The following SLIT3 variants were observed in gnomAD, a reference collection of about 807,000 sequenced individuals.
SLIT3 encodes the protein slit homolog 3 protein.
SLIT3 carries 68 observed loss-of-function variants against 184.0 expected under a neutral mutation model. That is an observed-to-expected ratio of 0.37 (90% CI 0.30 to 0.45). SLIT3 has a LOEUF of 0.45. SLIT3 is among the 20% of genes least tolerant of loss of function. The pLI is 1.00. For missense variants in SLIT3, 1,707 were observed against 2,026.0 expected (o/e 0.84, Z 3.02); for synonymous variants, 831 against 828.6 (o/e 1.00, Z -0.05).
chr5:169,089,319 G>T (rs758538762), intron 4 of SLIT3, among the ~76,000 whole-genome samples: 6 of 152,150 alleles, frequency 3.9e-5, no homozygotes, highest in Non-Finnish European at 8.8e-5. Context: ...CTTCCTGAGA[G>T]TGTCTAAAGC....
At chr5:168,923,665 T>C (rs1276483559) in intron 4 of SLIT3, among the ~76,000 whole-genome samples, 1 of 152,142 alleles carries the variant, frequency 6.6e-6, no homozygotes, top group Non-Finnish European at 1.5e-5. Context: ...TACAGGCACC[T>C]GCCACCATGC....
intron 1 of SLIT3, among the ~76,000 whole-genome samples, chr5:169,291,686 G>C (rs1767366965): frequency 6.6e-6 from 1 of 152,186 alleles, no homozygotes; most frequent in African/African-American, 2.4e-5. Context: ...TTTGATTTAA[G>C]TTGAACTCAT....
chr5:169,221,001 GAGACAAAGT>G (rs1177597569), intron 3 of SLIT3, among the ~76,000 whole-genome samples: 1 of 152,056 alleles, frequency 6.6e-6, no homozygotes, highest in Non-Finnish European at 1.5e-5. Context: ...CTGGTTTCTC[GAGACAAAGT>G]GCTTTGCCCC....
chr5:168,964,445 G>C (rs1353635275), intron 4 of SLIT3, among the ~76,000 whole-genome samples: 1 of 152,260 alleles, frequency 6.6e-6, no homozygotes, highest in East Asian at 1.9e-4. Flanking sequence ...ATAGTTTTAC[G>C]TATTATTGGC....
intron 4 of SLIT3, among the ~76,000 whole-genome samples, chr5:169,041,842 G>A (rs1327516548): frequency 6.6e-6 from 1 of 152,152 alleles, no homozygotes; most frequent in East Asian, 1.9e-4. Context: ...TGTTAGACAA[G>A]ACCCTATTTC....
chr5:168,878,044 C>G (rs1015651124), intron 5 of SLIT3, among the ~76,000 whole-genome samples: 5 of 152,156 alleles, frequency 3.3e-5, no homozygotes, highest in African/African-American at 7.2e-5. Context: ...GTACCTAGCA[C>G]AGTTTCTGCA....
At chr5:169,159,157 G>A (rs932672657) in intron 4 of SLIT3, among the ~76,000 whole-genome samples, 28 of 152,112 alleles carry the variant, frequency 1.8e-4, no homozygotes, top group Admixed American at 1.8e-3. Context: ...GGCCGAGGTG[G>A]GCAGATCACC....
intron 12 of SLIT3, among the ~76,000 whole-genome samples, chr5:168,777,064 A>AACACACACAC (rs556884651): frequency 1.5e-5 from 1 of 65,820 alleles, no homozygotes; most frequent in Non-Finnish European, 2.8e-5. Flanking sequence ...AATTTCATAC[A>AACACACACAC]ACACACACAC....
chr5:169,235,166 A>G (rs1765150677), intron 3 of SLIT3, among the ~76,000 whole-genome samples: 1 of 152,146 alleles, frequency 6.6e-6, no homozygotes, highest in East Asian at 1.9e-4. Context: ...AGTTTGTTAG[A>G]ACCTCTTTGC....
chr5:168,687,092 G>A lies in SLIT3; in HGVS notation c.3201C>T (p.Ser1067=), dbSNP rs144692168. 1,429 of 1,614,172 alleles carry A rather than the reference G, an allele frequency of 8.9e-4. 10 individuals are homozygous for A. The African/African-American group carries it at 0.016, about 18-fold the overall frequency. Residue 1067 remains serine (S), a synonymous_variant, in exon 30 of 36, where the codon AGC becomes AGT. Transcript: ENST00000519560. The part of the protein sequence containing the change: ...GFSCECVPGY[S]GKLCETDNDD... ...CATTGTCTGTCTCACAGAGCTTCCCGCTGTAGCCAGGGACACACTCGCAGC... is the reference window on the plus strand; with the variant it reads ...CATTGTCTGTCTCACAGAGCTTCCCACTGTAGCCAGGGACACACTCGCAGC...
At chr5:169,228,906 A>G (rs895680366) in intron 3 of SLIT3, among the ~76,000 whole-genome samples, 10 of 152,238 alleles carry the variant, frequency 6.6e-5, no homozygotes, top group African/African-American at 2.4e-4. Flanking sequence ...TCATGAATTT[A>G]TAGTACATTA....
intron 4 of SLIT3, among the ~76,000 whole-genome samples, chr5:169,067,067 C>T (rs975498585): frequency 1.3e-5 from 2 of 151,896 alleles, no homozygotes; most frequent in African/African-American, 4.8e-5. Flanking sequence ...TCAAAAATTT[C>T]CACCATGACA....
chr5:169,049,075 G>T (rs1466929380), intron 4 of SLIT3, among the ~76,000 whole-genome samples: 1 of 152,274 alleles, frequency 6.6e-6, no homozygotes, highest in African/African-American at 2.4e-5. Flanking sequence ...AGCCTGTGAG[G>T]GCGCCAGGGC....
chr5:168,777,647 G>A (rs1054319807), intron 12 of SLIT3, among the ~76,000 whole-genome samples: 5 of 152,204 alleles, frequency 3.3e-5, no homozygotes, highest in African/African-American at 1.2e-4. Flanking sequence ...CATGAAGCAT[G>A]GAGCAAAAGA....
chr5:168,831,523 A>G (rs1297603266), intron 6 of SLIT3, among the ~76,000 whole-genome samples: 1 of 152,240 alleles, frequency 6.6e-6, no homozygotes, highest in Non-Finnish European at 1.5e-5. Context: ...GTTAGAAAAC[A>G]TAATGATCTC....
chr5:169,240,041 G>C (rs1227597031), intron 3 of SLIT3, among the ~76,000 whole-genome samples: 1 of 151,954 alleles, frequency 6.6e-6, no homozygotes, highest in Non-Finnish European at 1.5e-5. Context: ...GGAGTATTTA[G>C]AGGTATATTA....
At chr5:168,823,112 C>A (rs1447191194) in intron 7 of SLIT3, 148 bp downstream of exon 7, 1 of 735,622 alleles carries the variant, frequency 1.4e-6, no homozygotes, top group Non-Finnish European at 2.5e-6. Context: ...CGCCAAGGCA[C>A]CCCTTGGTTA....
chr5:169,181,302 C>T (rs576279511), intron 4 of SLIT3, among the ~76,000 whole-genome samples: 8 of 152,130 alleles, frequency 5.3e-5, no homozygotes, highest in East Asian at 1.9e-4. Context: ...GTGCGTGGTA[C>T]GTTAGGTGTA....
rs35514271 is a variant in SLIT3 at position 168,914,902 on chromosome 5, T to C, written c.414-31566A>G. On this transcript the variant is annotated intron_variant, in intron 4 of 35. Transcript: ENST00000519560. The stretch of plus-strand genomic sequence containing the variant: ...ACATTGGGGGGTAAAAATGTAGGCT[T>C]ACTGTCACTAGCCAGATTTCTTTTT... Among the ~76,000 whole-genome samples, 1,380 of 152,304 alleles carry C rather than the reference T, an allele frequency of 9.1e-3. 9 individuals carry two copies. The highest frequency in any genetic ancestry group is 0.014 in the Non-Finnish European group (932 of 68,018).
Sources: allele counts gnomAD v4.1 joint callset (sites outside exome capture counted in the v4.1 genomes callset), GRCh38; gene constraint gnomAD v4.1.1; transcripts MANE v1.5; gene names NCBI Gene and HGNC (gene_info 2026-07-23, HGNC 2026-07-21).